Variants in PCLO observed in about 807,000 individuals in gnomAD.
PCLO encodes protein piccolo.
A neutral mutation model predicts 427.5 loss-of-function variants in PCLO; 82 were observed. The ratio of observed to expected loss-of-function variants is 0.19; its 90% CI spans 0.16 to 0.23. PCLO has a LOEUF of 0.23. Among genes scored for constraint, PCLO ranks in the 10% least tolerant of loss-of-function variants. The pLI, the probability that PCLO is intolerant of heterozygous loss-of-function variation, is 1.00. For synonymous variants in PCLO, 2,357 were observed against 2,155.4 expected (o/e 1.09, Z -2.59); for missense variants, 6,239 against 6,115.9 (o/e 1.02, Z -0.67).
intron 10 of PCLO, among the ~76,000 whole-genome samples, chr7:82,872,235 A>C (rs1014885799): frequency 2.0e-5 from 3 of 152,056 alleles, no homozygotes; most frequent in Non-Finnish European, 2.9e-5. Context: ...TATATCCAGA[A>C]TATATAAAGA....
rs150338560 is a variant in PCLO, at chr7:83,134,149, G to A, written c.3300+101C>T. On this transcript the variant is annotated intron_variant, in intron 3 of 24. Coordinates refer to ENST00000333891, the MANE Select transcript of PCLO (RefSeq NM_033026.6). ...TCAATTTATTTTCTTCACCACAAAT[G>A]TATTTTTTGCTCAGATATTTGGCCA... is the stretch of plus-strand genomic sequence containing the variant. 531 of 342,398 alleles carry A rather than the reference G, an allele frequency of 1.6e-3. 4 individuals carry two copies. The highest frequency in any genetic ancestry group is 0.011 in the African/African-American group (510 of 46,784). The allele number at this position is 342,398 out of a possible 1,614,324, so 21.2% of individuals were successfully genotyped here.
At chr7:82,864,247 A>C (rs561330622) in intron 10 of PCLO, among the ~76,000 whole-genome samples, 58 of 152,326 alleles carry the variant, frequency 3.8e-4, no homozygotes, top group Middle Eastern at 3.4e-3. Context: ...ACAAATATTT[A>C]GTCAGTAAGT....
chr7:82,887,222 G>A (rs947505726), intron 9 of PCLO, among the ~76,000 whole-genome samples: 1 of 152,126 alleles, frequency 6.6e-6, no homozygotes, highest in African/African-American at 2.4e-5. Flanking sequence ...GCTGTAGGAT[G>A]TCCAGCATAC....
chr7:83,066,073 C>A (rs1393438787), intron 3 of PCLO, among the ~76,000 whole-genome samples: 2 of 152,106 alleles, frequency 1.3e-5, no homozygotes, highest in Non-Finnish European at 1.5e-5. Context: ...GCTCTCTAAT[C>A]CTTTCATGTG....
At chr7:83,055,239 T>A (rs967627334) in intron 3 of PCLO, among the ~76,000 whole-genome samples, 2 of 152,062 alleles carry the variant, frequency 1.3e-5, no homozygotes, top group Non-Finnish European at 2.9e-5. Context: ...TTCTCACCCA[T>A]TGGGCAGTAA....
intron 3 of PCLO, among the ~76,000 whole-genome samples, chr7:82,974,641 T>C (rs1249059918): frequency 6.6e-6 from 1 of 152,212 alleles, no homozygotes; most frequent in Non-Finnish European, 1.5e-5. Flanking sequence ...TATTTATGTA[T>C]TATAAGTGTG....
chr7:82,973,495 T>C lies in PCLO; in HGVS notation c.3301-7008A>G, dbSNP rs1029495329. Among the ~76,000 whole-genome samples, 3 of 152,164 alleles carry C rather than the reference T, an allele frequency of 2.0e-5. No homozygotes were observed. The East Asian group carries it at 5.8e-4, about 29-fold the overall frequency. On this transcript the variant is annotated intron_variant, in intron 3 of 24. Transcript: ENST00000333891. ...CATAAAATACTAATTTCCAGTTGAA[T>C]TGCTGAATTGAAGAATATAAATACA...
intron 1 of PCLO, among the ~76,000 whole-genome samples, chr7:83,157,661 A>C (rs1392297725): frequency 6.6e-6 from 1 of 151,848 alleles, no homozygotes; most frequent in Non-Finnish European, 1.5e-5. Flanking sequence ...AAAATAATTC[A>C]TACTTTAACT....
At position 82,955,597 on chromosome 7, in the gene PCLO, A is replaced by G. The variant is rs1381319808; in HGVS notation, c.5356T>C (p.Leu1786=). 1.2e-6 allele frequency: 2 copies of G among 1,613,758 alleles called. No homozygotes were observed. Among genetic ancestry groups the G allele is most frequent in the Non-Finnish European group, 1.7e-6 (2 of 1,179,790 alleles). The change falls in exon 5 of 25, where the codon TTA becomes CTA. Residue 1786 remains leucine, a synonymous_variant. Coordinates refer to ENST00000333891, the MANE Select transcript of PCLO (RefSeq NM_033026.6). Reference sequence around the variant, plus strand: ...TCCCTCTGCTTTTCTTGCTCCTTTAATAATTCTTCTTCCTCTCTCAATTCT... The same window carrying G: ...TCCCTCTGCTTTTCTTGCTCCTTTAGTAATTCTTCTTCCTCTCTCAATTCT... ...EEELREEEEL[L]KEQEKQREIE... is the part of the protein sequence containing the mutation.
intron 4 of PCLO, among the ~76,000 whole-genome samples, chr7:82,965,320 T>C (rs11761974): frequency 0.28 from 41,623 of 146,288 alleles, 7,035 homozygotes; most frequent in East Asian, 0.46. Context: ...TTCTTTCTTT[T>C]TTTTTTTTTT....
In PCLO at chr7:82,916,472, T is replaced by G. The variant is rs556114676; in HGVS notation, c.11514A>C (p.Glu3838Asp). The G allele has an allele frequency of 4.3e-6, 7 of 1,613,764 alleles. No individual in the cohort carries two copies. The Admixed American group carries it at 5.0e-5, about 12-fold the overall frequency. The change falls in exon 7 of 25, where the codon GAA becomes GAC. Residue 3838 changes from glutamate (E) to aspartate (D), a missense_variant. By Grantham distance (45) the Glu-to-Asp change is conservative (BLOSUM62 2). This residue lies in a region of PCLO where 680 missense variants were observed against 677.3 expected (regional missense o/e 1.00). Coordinates refer to ENST00000333891, the MANE Select transcript of PCLO (RefSeq NM_033026.6). ...TTCGGGTTGGTCTTGTGCTACTCAC[T>G]TCACTGTCAGACATGTAATCACGAT... ...AEDRDYMSDS[E>D]VSSTRPTRIE...
intron 16 of PCLO, among the ~76,000 whole-genome samples, chr7:82,834,351 A>G (rs1307149230): frequency 6.6e-6 from 1 of 152,206 alleles, no homozygotes; most frequent in African/African-American, 2.4e-5. Flanking sequence ...ACCAGCCATA[A>G]CAAGGAATCT....
intron 20 of PCLO, chr7:82,822,246 C>A (rs765438418): frequency 1.1e-5 from 15 of 1,351,968 alleles, no homozygotes; most frequent in Non-Finnish European, 1.4e-5. Flanking sequence ...ATGCTATGAG[C>A]CAGGTTGGAT....
At chr7:83,068,537 T>C (rs1254329647) in intron 3 of PCLO, among the ~76,000 whole-genome samples, 2 of 152,096 alleles carry the variant, frequency 1.3e-5, no homozygotes, top group Non-Finnish European at 2.9e-5. Context: ...AGGTTCTCAA[T>C]ATCACTAATC....
intron 6 of PCLO, among the ~76,000 whole-genome samples, chr7:82,944,088 G>C (rs1795145259): frequency 7.7e-6 from 1 of 129,666 alleles, no homozygotes; most frequent in East Asian, 2.7e-4. Flanking sequence ...TGCAGGTGAA[G>C]TGAGATCGTG....
At chr7:83,093,490 A>ATTTTTTTTTTTT (rs1339244676) in intron 3 of PCLO, among the ~76,000 whole-genome samples, 3 of 66,002 alleles carry the variant, frequency 4.5e-5, no homozygotes, top group Non-Finnish European at 8.2e-5. Context: ...ATATATATAT[A>ATTTTTTTTTTTT]TATTTTTTTT....
chr7:82,796,591 C>T (rs1473916710), intron 22 of PCLO, among the ~76,000 whole-genome samples: 1 of 151,838 alleles, frequency 6.6e-6, no homozygotes, highest in Non-Finnish European at 1.5e-5. Context: ...TGCTGCCATG[C>T]TTTTCAATGC....
chr7:83,117,193 C>T (rs1261189952), intron 3 of PCLO, among the ~76,000 whole-genome samples: 1 of 152,060 alleles, frequency 6.6e-6, no homozygotes, highest in Non-Finnish European at 1.5e-5. Context: ...TTTTCCTGAG[C>T]CTAATTTTCT....
chr7:82,920,071 A>C (rs1245083571), intron 6 of PCLO, among the ~76,000 whole-genome samples: 1 of 151,928 alleles, frequency 6.6e-6, no homozygotes, highest in Non-Finnish European at 1.5e-5. Flanking sequence ...ATAATTCAAA[A>C]AGAACTGACT....
Sources: gnomAD v4.1 joint callset for allele counts (sites outside exome capture counted in the v4.1 genomes callset) on GRCh38, gnomAD v4.1.1 for gene constraint, gnomAD v4.1.1 regional missense constraint, MANE v1.5 for transcripts, NCBI Gene and HGNC (gene_info 2026-07-23, HGNC 2026-07-21) for gene names.